Variants in DLEU7 observed in about 807,000 individuals in gnomAD.
DLEU7 encodes deleted in lymphocytic leukemia 7.
DLEU7 carries 17 observed loss-of-function variants against 16.0 expected under a neutral mutation model. The ratio of observed to expected loss-of-function variants is 1.06; its 90% CI spans 0.73 to 1.59. The LOEUF is 1.59. Ranked by LOEUF, DLEU7 falls within the 40% of genes most tolerant of loss-of-function variation. DLEU7 has a pLI of 0.00. For synonymous variants in DLEU7, 113 were observed against 139.8 expected (o/e 0.81, Z 1.35); for missense variants, 308 against 314.9 (o/e 0.98, Z 0.17).
At chr13:50,791,348 G>A (rs1047302125) in intron 1 of DLEU7, among the ~76,000 whole-genome samples, 3 of 152,152 alleles carry the variant, frequency 2.0e-5, no homozygotes, top group African/African-American at 7.2e-5. Context: ...GCCCCTGACA[G>A]GAGGTGACCA....
At chr13:50,828,191 C>G (rs1877156425) in intron 1 of DLEU7, among the ~76,000 whole-genome samples, 1 of 152,148 alleles carries the variant, frequency 6.6e-6, no homozygotes, top group Admixed American at 6.5e-5. Flanking sequence ...CTGAAAAACA[C>G]TAATCACAAG....
At chr13:50,729,096 G>T (rs1873845579) in intron 1 of DLEU7, among the ~76,000 whole-genome samples, 1 of 152,154 alleles carries the variant, frequency 6.6e-6, no homozygotes, top group South Asian at 2.1e-4. Context: ...GGTTTCACGG[G>T]TTTGGTGTAC....
chr13:50,713,331 AT>A, intron 1 of DLEU7: 2 of 1,471,058 alleles, frequency 1.4e-6, no homozygotes, highest in Non-Finnish European at 9.3e-7. Flanking sequence ...ACTATATTGC[AT>A]TTTAGGAATG....
intron 1 of DLEU7, among the ~76,000 whole-genome samples, chr13:50,749,482 T>A (rs1874498313): frequency 6.6e-6 from 1 of 152,184 alleles, no homozygotes; most frequent in Non-Finnish European, 1.5e-5. Flanking sequence ...CAAATGGAAG[T>A]TCTACTTTTA....
intron 1 of DLEU7, among the ~76,000 whole-genome samples, chr13:50,811,657 G>A (rs576613955): frequency 1.3e-5 from 2 of 152,244 alleles, no homozygotes; most frequent in East Asian, 1.9e-4. Flanking sequence ...CATGGCCTGC[G>A]GATGCTAAGT....
downstream of DLEU7, among the ~76,000 whole-genome samples, chr13:50,820,813 T>C (rs1436133807): frequency 1.3e-5 from 2 of 152,024 alleles, no homozygotes; most frequent in African/African-American, 4.8e-5. Flanking sequence ...TGAAAAGAAA[T>C]AGGTACAATT....
chr13:50,828,096 A>G (rs1030255035), intron 1 of DLEU7, among the ~76,000 whole-genome samples: 4 of 152,206 alleles, frequency 2.6e-5, no homozygotes, highest in Non-Finnish European at 5.9e-5. Flanking sequence ...TAATCATAAC[A>G]TACATTCAGT....
At chr13:50,729,106 C>A (rs1448207584) in intron 1 of DLEU7, among the ~76,000 whole-genome samples, 1 of 152,062 alleles carries the variant, frequency 6.6e-6, no homozygotes, top group Non-Finnish European at 1.5e-5. Context: ...GTTTGGTGTA[C>A]AAATTATTTA....
At chr13:50,727,322 TA>T (rs1271910681) in intron 1 of DLEU7, among the ~76,000 whole-genome samples, 6 of 43,222 alleles carry the variant, frequency 1.4e-4, no homozygotes, top group Non-Finnish European at 2.9e-4. Context: ...GAGGTCTAGG[TA>T]TTTTTTTTTC....
chr13:50,760,613 G>A lies in DLEU7; in HGVS notation c.460-47373C>T, dbSNP rs368168579. ...CCTGGCCTCAAGTGATCCTTCTGCCGTGGCTTCCCAAGTGTTGGGATTACA... is the reference window on the plus strand; with the variant it reads ...CCTGGCCTCAAGTGATCCTTCTGCCATGGCTTCCCAAGTGTTGGGATTACA... On this transcript the variant is annotated intron_variant, in intron 1 of 1. Coordinates refer to the DLEU7 transcript ENST00000400393. 7.9e-5 allele frequency among the ~76,000 whole-genome samples: 12 copies of A among 152,262 alleles called. No individual in the cohort carries two copies. In the South Asian group the frequency reaches 1.7e-3, roughly 21 times the overall value.
intron 1 of DLEU7, among the ~76,000 whole-genome samples, chr13:50,765,353 C>T (rs187528364): frequency 7.9e-4 from 120 of 151,688 alleles, no homozygotes; most frequent in Non-Finnish European, 1.2e-3. Context: ...CTTTAGAAAG[C>T]GAAGCCTGAA....
At chr13:50,784,576 G>A (rs925811768) in intron 1 of DLEU7, among the ~76,000 whole-genome samples, 2 of 152,198 alleles carry the variant, frequency 1.3e-5, no homozygotes, top group African/African-American at 4.8e-5. Flanking sequence ...CAGGAGAAGT[G>A]TTCAAGTGCA....
At chr13:50,798,807 C>T (rs552018723) in intron 1 of DLEU7, among the ~76,000 whole-genome samples, 10 of 152,298 alleles carry the variant, frequency 6.6e-5, no homozygotes, top group African/African-American at 1.7e-4. Context: ...GTGCACACAG[C>T]CATTGCTCCT....
intron 1 of DLEU7, among the ~76,000 whole-genome samples, chr13:50,738,974 C>T (rs1479756903): frequency 2.2e-4 from 22 of 101,468 alleles, no homozygotes; most frequent in African/African-American, 8.2e-4. Context: ...CACACACACA[C>T]ACACACACAC....
chr13:50,713,204 A>G lies in DLEU7; in HGVS notation c.*13T>C, dbSNP rs1873345722. Reference sequence around the variant, plus strand: ...AGCTCCTGATGGTCCTCACACTCCTACAGTGACCTTCTTCACTCATTAGCC... The same window carrying G: ...AGCTCCTGATGGTCCTCACACTCCTGCAGTGACCTTCTTCACTCATTAGCC... On this transcript the variant is annotated 3_prime_UTR_variant, in exon 2 of 2. Transcript: ENST00000400393. 3.1e-6 allele frequency: 5 copies of G among 1,610,728 alleles called. No homozygotes were observed. The East Asian group carries it at 8.9e-5, about 29-fold the overall frequency.
Position 50,758,165 on chromosome 13 carries a change from C to A in DLEU7, c.460-44925G>T, listed in dbSNP as rs1029742531. 5.3e-5 allele frequency among the ~76,000 whole-genome samples: 8 copies of A among 151,576 alleles called. 1 individual carries two copies. The highest frequency in any genetic ancestry group is 1.7e-4 in the African/African-American group (7 of 41,214). ...TACAGGTGTGAGTCACTACACCTGG[C>A]CCCAAGATGTATTTTTAACCATAAT... On this transcript the variant is annotated intron_variant, in intron 1 of 1. Coordinates refer to the DLEU7 transcript ENST00000400393.
chr13:50,798,301 C>T (rs577485206), intron 1 of DLEU7, among the ~76,000 whole-genome samples: 32 of 152,290 alleles, frequency 2.1e-4, no homozygotes, highest in African/African-American at 6.5e-4. Context: ...ATATGGGTGG[C>T]GCAGTCACAA....
At chr13:50,734,778 G>A (rs554768546) in intron 1 of DLEU7, among the ~76,000 whole-genome samples, 11 of 152,130 alleles carry the variant, frequency 7.2e-5, no homozygotes, top group Non-Finnish European at 1.6e-4. Context: ...AAATAATAGG[G>A]TAGAAAAGTA....
At chr13:50,734,358 G>T (rs923193756) in intron 1 of DLEU7, among the ~76,000 whole-genome samples, 1 of 152,144 alleles carries the variant, frequency 6.6e-6, no homozygotes, top group African/African-American at 2.4e-5. Flanking sequence ...CAATAAGGCT[G>T]CTTTCCACCT....
Sources: allele counts gnomAD v4.1 joint callset (sites outside exome capture counted in the v4.1 genomes callset), GRCh38; gene constraint gnomAD v4.1.1; transcripts MANE v1.5; gene names NCBI Gene and HGNC (gene_info 2026-07-23, HGNC 2026-07-21).